USP39: variants seen among roughly 807,000 people sequenced by gnomAD.
The protein encoded by USP39 is ubiquitin carboxyl-terminal hydrolase 39.
A neutral mutation model predicts 66.4 loss-of-function variants in USP39; 38 were observed. The observed-to-expected ratio is 0.57, with a 90% CI of 0.44 to 0.75. The LOEUF (loss-of-function observed/expected upper bound fraction) is 0.75, where lower values mean the gene tolerates loss of function less well. Ranked by LOEUF, USP39 falls within the 30% of genes least tolerant of loss-of-function variation. USP39 has a pLI of 0.00. For synonymous variants in USP39, 303 were observed against 274.6 expected (o/e 1.10, Z -1.02); for missense variants, 608 against 714.4 (o/e 0.85, Z 1.70).
At chr2:85,605,160 A>C (rs1673172017) in intron 1 of USP39, among the ~76,000 whole-genome samples, 1 of 151,976 alleles carries the variant, frequency 6.6e-6, no homozygotes, top group Non-Finnish European at 1.5e-5. Context: ...TGAGATTTCC[A>C]GTGCTGACTC....
Position 85,649,090 on chromosome 2 carries a change from G to A in USP39, c.*282G>A, listed in dbSNP as rs149212771. The A allele has an allele frequency of 2.6e-6, 1 of 378,004 alleles. No individual in the cohort carries two copies. Among genetic ancestry groups the A allele is most frequent in the Non-Finnish European group, 4.5e-6 (1 of 224,226 alleles). The allele number at this position is 378,004 out of a possible 1,614,324, so 23.4% of individuals were successfully genotyped here. ...GGGCAGAACCCTTCTCCAGATGTGTGTAACTTATGTCTTGAGTATCTGGGA... is the reference window on the plus strand; with the variant it reads ...GGGCAGAACCCTTCTCCAGATGTGTATAACTTATGTCTTGAGTATCTGGGA... On this transcript the variant is annotated 3_prime_UTR_variant, in exon 13 of 13. Transcript: ENST00000323701.
At chr2:85,629,639 GGCGC>G in intron 5 of USP39, among the ~76,000 whole-genome samples, 1 of 150,748 alleles carries the variant, frequency 6.6e-6, no homozygotes, top group Admixed American at 6.7e-5. Flanking sequence ...TGGGATTACA[GGCGC>G]GTGCCACCAT....
chr2:85,641,473 C>G (rs1676226383), intron 10 of USP39, among the ~76,000 whole-genome samples: 1 of 152,196 alleles, frequency 6.6e-6, no homozygotes, highest in African/African-American at 2.4e-5. Flanking sequence ...TGCTGGCCAT[C>G]ACACCTTTTT....
rs1411554189 is a variant in USP39 at position 85,649,098 on chromosome 2, T to C, written c.*290T>C. ...CCCTTCTCCAGATGTGTGTAACTTATGTCTTGAGTATCTGGGAGTAGTTGA... is the reference window on the plus strand; with the variant it reads ...CCCTTCTCCAGATGTGTGTAACTTACGTCTTGAGTATCTGGGAGTAGTTGA... On this transcript the variant is annotated 3_prime_UTR_variant, in exon 13 of 13. Transcript: ENST00000323701. 2.8e-6 allele frequency: 1 copy of C among 355,364 alleles called. No individual in the cohort carries two copies. The highest frequency in any genetic ancestry group is 3.9e-5 in the South Asian group (1 of 25,496). 22.0% of individuals were successfully genotyped at this position (355,364 alleles called of 1,614,324 possible).
chr2:85,648,128 G>T (rs1676787473), intron 12 of USP39, 112 bp downstream of exon 12: 4 of 1,068,102 alleles, frequency 3.7e-6, no homozygotes, highest in Non-Finnish European at 5.6e-6. Flanking sequence ...TGGAGGGCCA[G>T]GTACCTATTG....
At chr2:85,644,445 G>T (rs969280436) in intron 10 of USP39, among the ~76,000 whole-genome samples, 2 of 151,724 alleles carry the variant, frequency 1.3e-5, no homozygotes, top group African/African-American at 4.8e-5. Context: ...CCTTTTGGGG[G>T]TTTTTTGAGA....
chr2:85,647,852 T>A, intron 11 of USP39, 78 bp from the exon 12 acceptor site: 1 of 1,361,742 alleles, frequency 7.3e-7, no homozygotes, highest in Non-Finnish European at 1.0e-6. Context: ...ATTTTTCTAG[T>A]CTTGGCTATG....
At chr2:85,643,266 G>A (rs1196013524) in intron 10 of USP39, among the ~76,000 whole-genome samples, 3 of 151,980 alleles carry the variant, frequency 2.0e-5, no homozygotes, top group African/African-American at 7.2e-5. Context: ...CAAGGCGGGC[G>A]GATCACGAGG....
chr2:85,612,133 C>T, upstream of USP39: 2 of 896,458 alleles, frequency 2.2e-6, no homozygotes, highest in Non-Finnish European at 3.3e-6. Context: ...AGCGATGCAG[C>T]GCACGGAGTT....
intron 6 of USP39, 105 bp downstream of exon 6, chr2:85,631,051 G>A: frequency 1.9e-6 from 2 of 1,043,720 alleles, no homozygotes; most frequent in African/African-American, 1.6e-5. Context: ...GTCTCACTCT[G>A]TCACCCAGGC....
At chr2:85,603,893 C>A (rs141421586) in intron 1 of USP39, among the ~76,000 whole-genome samples, 196 of 152,198 alleles carry the variant, frequency 1.3e-3, no homozygotes, top group Non-Finnish European at 1.9e-3. Context: ...GCGCCTGGCC[C>A]GGATGTTTCT....
At chr2:85,635,060 GA>G (rs1334353435) in intron 6 of USP39, among the ~76,000 whole-genome samples, 1 of 152,212 alleles carries the variant, frequency 6.6e-6, no homozygotes, top group Non-Finnish European at 1.5e-5. Flanking sequence ...CGAGTGTTTA[GA>G]TGTGTGAAGT....
chr2:85,627,499 A>G (rs1674963919), intron 5 of USP39, among the ~76,000 whole-genome samples: 1 of 151,836 alleles, frequency 6.6e-6, no homozygotes, highest in South Asian at 2.1e-4. Flanking sequence ...AACATGTATA[A>G]ATTGTAAGGG....
upstream of USP39, chr2:85,612,026 C>T: frequency 4.4e-6 from 6 of 1,367,528 alleles, no homozygotes; most frequent in Non-Finnish European, 5.8e-6. Flanking sequence ...TCGACGGCCC[C>T]AACAACAGCC....
chr2:85,640,866 A>T, intron 9 of USP39, 110 bp from the exon 10 acceptor site: 1 of 951,670 alleles, frequency 1.1e-6, no homozygotes, highest in Non-Finnish European at 1.5e-6. Context: ...TTGTGAACTT[A>T]AGTGTGAGGC....
intron 11 of USP39, 91 bp from the exon 12 acceptor site, chr2:85,647,839 C>G (rs1389530613): frequency 5.9e-6 from 7 of 1,179,784 alleles, no homozygotes; most frequent in Non-Finnish European, 8.6e-6. Context: ...GGCTGTTCTT[C>G]TAATTTTTCT....
At chr2:85,624,570 C>T (rs1674708125) in intron 4 of USP39, among the ~76,000 whole-genome samples, 1 of 152,112 alleles carries the variant, frequency 6.6e-6, no homozygotes, top group South Asian at 2.1e-4. Flanking sequence ...TGTTCATGCT[C>T]TGTTTATTTT....
At chr2:85,624,304 CA>C (rs1674684837) in intron 4 of USP39, among the ~76,000 whole-genome samples, 1 of 151,430 alleles carries the variant, frequency 6.6e-6, no homozygotes, top group African/African-American at 2.4e-5. Context: ...TTTTCCTTTT[CA>C]GCACGTGGGG....
upstream of USP39, chr2:85,611,553 A>G (rs1673527585): frequency 1.3e-6 from 2 of 1,550,942 alleles, no homozygotes; most frequent in East Asian, 2.4e-5. Context: ...AGGTTCCGGA[A>G]AGAGACGAGA....
Sources: gnomAD v4.1 joint callset for allele counts (sites outside exome capture counted in the v4.1 genomes callset) on GRCh38, gnomAD v4.1.1 for gene constraint, MANE v1.5 for transcripts, NCBI Gene and HGNC (gene_info 2026-07-23, HGNC 2026-07-21) for gene names.